UCK2: variants seen among roughly 807,000 people sequenced by gnomAD.
The protein encoded by UCK2 is cytidine monophosphokinase 2.
UCK2 carries 6 observed loss-of-function variants against 30.8 expected under a neutral mutation model. The ratio of observed to expected loss-of-function variants is 0.19; its 90% confidence interval spans 0.11 to 0.38. The LOEUF (loss-of-function observed/expected upper bound fraction) is 0.38, where lower values mean the gene tolerates loss of function less well. UCK2 is among the 10% of genes least tolerant of loss of function. The pLI is 1.00. For synonymous variants in UCK2, 125 were observed against 133.6 expected, an observed-to-expected ratio of 0.94 and a Z score of 0.45; for missense variants, 210 against 339.8, an observed-to-expected ratio of 0.62 and a Z score of 3.00.
chr1:165,865,464 G>A (rs893021466), intron 1 of UCK2, among the ~76,000 whole-genome samples: 1 of 152,172 alleles, frequency 6.6e-6, no homozygotes, highest in Non-Finnish European at 1.5e-5. Flanking sequence ...CAGGAAGACA[G>A]TCATTCCCAT....
chr1:165,852,446 G>A (rs752183477), intron 1 of UCK2, among the ~76,000 whole-genome samples: 1 of 152,152 alleles, frequency 6.6e-6, no homozygotes, highest in Non-Finnish European at 1.5e-5. Context: ...CATTTACGTG[G>A]CCAACAAACA....
intron 3 of UCK2, among the ~76,000 whole-genome samples, chr1:165,892,404 G>A (rs1178634383): frequency 6.6e-6 from 1 of 152,130 alleles, no homozygotes; most frequent in Non-Finnish European, 1.5e-5. Context: ...CTGAGGCACT[G>A]GAGCAGAAGC....
chr1:165,874,992 A>C (rs181641012), intron 1 of UCK2, among the ~76,000 whole-genome samples: 1 of 152,228 alleles, frequency 6.6e-6, no homozygotes, highest in Admixed American at 6.5e-5. Flanking sequence ...ACGTGAAGAA[A>C]ATAAAACTAA....
chr1:165,858,226 C>T (rs1008661965), intron 1 of UCK2, among the ~76,000 whole-genome samples: 6 of 152,136 alleles, frequency 3.9e-5, no homozygotes, highest in African/African-American at 1.4e-4. Flanking sequence ...AGGTACTGGA[C>T]CTCTGTCATA....
At chr1:165,866,958 A>G (rs1367109430) in intron 1 of UCK2, among the ~76,000 whole-genome samples, 1 of 152,192 alleles carries the variant, frequency 6.6e-6, no homozygotes, top group Non-Finnish European at 1.5e-5. Flanking sequence ...TGAGTGTACA[A>G]ATATACACAT....
intron 1 of UCK2, among the ~76,000 whole-genome samples, chr1:165,859,185 G>T (rs542124160): frequency 1.8e-4 from 28 of 152,256 alleles, no homozygotes; most frequent in Admixed American, 3.9e-4. Flanking sequence ...CTGAGTGGGT[G>T]GGTGCATCAT....
At chr1:165,890,653 C>CAG in intron 2 of UCK2, 1 of 373,278 alleles carries the variant, frequency 2.7e-6, no homozygotes, top group Non-Finnish European at 5.1e-6. Flanking sequence ...GTCGAACATA[C>CAG]AGAGCTAGTC....
At chr1:165,887,228 G>T (rs1452813088) in intron 1 of UCK2, among the ~76,000 whole-genome samples, 1 of 152,160 alleles carries the variant, frequency 6.6e-6, no homozygotes, top group East Asian at 1.9e-4. Context: ...GGAAGGGAAG[G>T]GTCACCAGCC....
chr1:165,832,689 ACTCCTGCGATT>A (rs1386521690), intron 1 of UCK2, among the ~76,000 whole-genome samples: 1 of 151,522 alleles, frequency 6.6e-6, no homozygotes, highest in Non-Finnish European at 1.5e-5. Flanking sequence ...GCTCACTACA[ACTCCTGCGATT>A]CTCCTGCCTC....
chr1:165,855,668 G>C (rs1654726260), intron 1 of UCK2, among the ~76,000 whole-genome samples: 1 of 152,126 alleles, frequency 6.6e-6, no homozygotes. Context: ...TGCTGTGCGT[G>C]AGCTGCTGGA....
intron 1 of UCK2, among the ~76,000 whole-genome samples, chr1:165,848,519 C>T (rs1264492376): frequency 6.6e-6 from 1 of 152,120 alleles, no homozygotes; most frequent in Non-Finnish European, 1.5e-5. Flanking sequence ...GTAATCCCAG[C>T]TACTCAGGAG....
rs574233474 is a variant in UCK2 at position 165,847,889 on chromosome 1, C to T, written c.99+19957C>T. On this transcript the variant is annotated intron_variant, in intron 1 of 6. Coordinates refer to ENST00000367879, the MANE Select transcript of UCK2 (RefSeq NM_012474.5). ...GCTCACTACCTCTGCCTCCTGGGTT[C>T]GGGGTTTCACCATGTTGGCCAGGCT... 3.4e-4 allele frequency among the ~76,000 whole-genome samples: 52 copies of T among 152,126 alleles called. 2 individuals carry two copies. The highest frequency in any genetic ancestry group is 1.1e-3 in the African/African-American group (46 of 41,502).
intron 1 of UCK2, among the ~76,000 whole-genome samples, chr1:165,881,766 G>A (rs993880912): frequency 1.3e-5 from 2 of 152,148 alleles, no homozygotes; most frequent in Non-Finnish European, 2.9e-5. Context: ...CCAAGTGCTG[G>A]TGAGTCTAAA....
intron 1 of UCK2, among the ~76,000 whole-genome samples, chr1:165,857,229 C>T (rs1654770399): frequency 6.6e-6 from 1 of 152,176 alleles, no homozygotes. Flanking sequence ...AGTACTTGAA[C>T]CCTTTTCTCT....
At chr1:165,828,330 C>T (rs1283354554) in intron 1 of UCK2, among the ~76,000 whole-genome samples, 2 of 152,202 alleles carry the variant, frequency 1.3e-5, no homozygotes, top group Non-Finnish European at 2.9e-5. Context: ...CTCCCTCAAG[C>T]CCCGGTCTGG....
chr1:165,838,541 A>G (rs191479774), intron 1 of UCK2, among the ~76,000 whole-genome samples: 6 of 152,314 alleles, frequency 3.9e-5, no homozygotes, highest in Admixed American at 2.0e-4. Context: ...TGGTTGAAGA[A>G]TGAGTTACTT....
At chr1:165,873,391 G>A (rs1461621497) in intron 1 of UCK2, among the ~76,000 whole-genome samples, 1 of 152,180 alleles carries the variant, frequency 6.6e-6, no homozygotes, top group Admixed American at 6.5e-5. Flanking sequence ...AAAAATGCTT[G>A]CCAAAATGGT....
At chr1:165,872,829 A>T (rs916272211) in intron 1 of UCK2, among the ~76,000 whole-genome samples, 2 of 152,228 alleles carry the variant, frequency 1.3e-5, no homozygotes, top group African/African-American at 2.4e-5. Flanking sequence ...TTTTATATGT[A>T]GGGACTGCCT....
At chr1:165,839,042 C>T (rs905339388) in intron 1 of UCK2, among the ~76,000 whole-genome samples, 15 of 151,130 alleles carry the variant, frequency 9.9e-5, no homozygotes, top group African/African-American at 3.7e-4. Context: ...AGCAAGACTT[C>T]GTCTCAAAAA....
Sources: gnomAD v4.1 joint callset for allele counts (sites outside exome capture counted in the v4.1 genomes callset) on GRCh38, gnomAD v4.1.1 for gene constraint, MANE v1.5 for transcripts, NCBI Gene and HGNC (gene_info 2026-07-23, HGNC 2026-07-21) for gene names.